UQCRC2: variants seen among roughly 807,000 people sequenced by gnomAD.
UQCRC2 encodes cytochrome b-c1 complex subunit 2, mitochondrial.
UQCRC2 carries 49 observed loss-of-function variants against 55.6 expected under a neutral mutation model. That is an observed-to-expected ratio of 0.88 (90% confidence interval 0.70 to 1.12). UQCRC2 has a LOEUF of 1.12. Ranked by LOEUF, UQCRC2 falls within the 50% of genes most tolerant of loss-of-function variation. UQCRC2 has a pLI of 0.00. For synonymous variants in UQCRC2, 193 were observed against 192.0 expected (o/e 1.01, Z -0.04); for missense variants, 506 against 547.8 (o/e 0.92, Z 0.76).
chr16:21,959,940 C>T (rs772432790), intron 4 of UQCRC2, among the ~76,000 whole-genome samples: 1 of 152,188 alleles, frequency 6.6e-6, no homozygotes, highest in Non-Finnish European at 1.5e-5. Context: ...ATGCTATAAA[C>T]AGATGTACTA....
At chr16:21,976,387 C>T (rs1898586677) in intron 12 of UQCRC2, 144 bp downstream of exon 12, 1 of 678,354 alleles carries the variant, frequency 1.5e-6, no homozygotes, top group Non-Finnish European at 2.4e-6. Flanking sequence ...CATATCCTAC[C>T]ACCTAAAGAT....
intron 13 of UQCRC2, among the ~76,000 whole-genome samples, chr16:21,982,073 C>T (rs749984242): frequency 6.6e-6 from 1 of 151,950 alleles, no homozygotes; most frequent in Non-Finnish European, 1.5e-5. Context: ...ATCTCCTGAC[C>T]TCGTGATCCA....
chr16:21,965,021 G>A (rs1461664070), intron 6 of UQCRC2, among the ~76,000 whole-genome samples: 5 of 152,138 alleles, frequency 3.3e-5, no homozygotes, highest in Non-Finnish European at 7.3e-5. Flanking sequence ...AGGAAACCTA[G>A]GAGTAAGTAA....
Position 21,968,509 on chromosome 16 carries a change from A to G in UQCRC2, c.613-119A>G, listed in dbSNP as rs151304351. Reference sequence around the variant, plus strand: ...CACCTCAGTTAGTACCTTGTAGTTCATTACAGCAACTTATAAGGCCTTATA... The same window carrying G: ...CACCTCAGTTAGTACCTTGTAGTTCGTTACAGCAACTTATAAGGCCTTATA... On this transcript the variant is annotated intron_variant, in intron 7 of 13. Transcript: ENST00000268379. 994 of 808,168 alleles carry G rather than the reference A, an allele frequency of 1.2e-3. 10 individuals carry two copies. In the African/African-American group the frequency reaches 0.016, roughly 13 times the overall value. The allele number at this position is 808,168 out of a possible 1,614,324, so 50.1% of individuals were successfully genotyped here. A position where few individuals can be genotyped will look rare whatever the true frequency, so the allele number is the denominator to read the frequency against.
At chr16:21,959,882 G>C (rs903987297) in intron 4 of UQCRC2, 1 of 152,202 alleles carries the variant, frequency 6.6e-6, no homozygotes, top group African/African-American at 2.4e-5. Flanking sequence ...GTAATAATTT[G>C]AAAGGAATCT....
At chr16:21,961,945 G>A (rs772235490) in intron 4 of UQCRC2, among the ~76,000 whole-genome samples, 3 of 151,750 alleles carry the variant, frequency 2.0e-5, no homozygotes, top group Non-Finnish European at 4.4e-5. Context: ...GAGCCACTGC[G>A]CCCGGCCCAA....
chr16:21,983,204 CG>C lies in UQCRC2; in HGVS notation c.*34del. The C allele has an allele frequency of 6.4e-7, 1 of 1,573,962 alleles. No individual in the cohort carries two copies. Among genetic ancestry groups the C allele is most frequent in the South Asian group, 1.1e-5 (1 of 89,112 alleles). ...GCACACATTACAGGAGAGAGCTGAA[CG>C]TTCTCTCAGCCCAGAGCAGCAAACA... On this transcript the variant is annotated 3_prime_UTR_variant, in exon 14 of 14. Transcript: ENST00000268379.
Position 21,965,675 on chromosome 16 carries a change from T to C in UQCRC2, c.612+170T>C, listed in dbSNP as rs1898308512. On this transcript the variant is annotated intron_variant, in intron 7 of 13. Transcript: ENST00000268379. The stretch of plus-strand genomic sequence containing the variant: ...AACTAAAATTTTATCTGAACAATTT[T>C]TGTGTCTCCTTTAAGAAATGTTTTC... The C allele has an allele frequency of 5.6e-6, 3 of 531,380 alleles. No individual in the cohort carries two copies. The South Asian group carries it at 8.1e-5, about 14-fold the overall frequency. The allele number at this position is 531,380 out of a possible 1,614,324, so 32.9% of individuals were successfully genotyped here. A position where few individuals can be genotyped will look rare whatever the true frequency, so the allele number is the denominator to read the frequency against.
At chr16:21,975,115 G>C (rs966856491) in intron 11 of UQCRC2, among the ~76,000 whole-genome samples, 8 of 152,174 alleles carry the variant, frequency 5.3e-5, no homozygotes, top group African/African-American at 1.9e-4. Context: ...GGAGGAGGTA[G>C]GTATTAGGGT....
At position 21,958,439 on chromosome 16, in the gene UQCRC2, T is replaced by C. The variant is rs1307411708; in HGVS notation, c.268-96T>C. 2.1e-5 allele frequency: 23 copies of C among 1,102,324 alleles called. No individual in the cohort carries two copies. In the Admixed American group the frequency reaches 2.1e-4, roughly 10 times the overall value. The allele number at this position is 1,102,324 out of a possible 1,614,324, so 68.3% of individuals were successfully genotyped here. A position where few individuals can be genotyped will look rare whatever the true frequency, so the allele number is the denominator to read the frequency against. ...AGGATGCAGGAATTTAGTAAAATTCTTTTTAAATCTGCTCACAACAGATTT... is the reference window on the plus strand; with the variant it reads ...AGGATGCAGGAATTTAGTAAAATTCCTTTTAAATCTGCTCACAACAGATTT... On this transcript the variant is annotated intron_variant, in intron 3 of 13. Coordinates refer to ENST00000268379, the MANE Select transcript of UQCRC2 (RefSeq NM_003366.4).
rs1898773633 is a variant in UQCRC2, at chr16:21,983,068, TTTTG to T, written c.1279-12_1279-9del. 6.2e-7 allele frequency: 1 copy of T among 1,607,884 alleles called. No individual in the cohort carries two copies. The highest frequency in any genetic ancestry group is 8.5e-7 in the Non-Finnish European group (1 of 1,178,180). ...TATTTTTATTTTTGTTAATTTTGTCTTTTGTTTGTTTCTTTAAAGGCGGCAAAGA... is the reference window on the plus strand; with the variant it reads ...TATTTTTATTTTTGTTAATTTTGTCTTTTGTTTCTTTAAAGGCGGCAAAGA... On this transcript the variant is annotated splice_polypyrimidine_tract_variant and intron_variant, in intron 13 of 13. Coordinates refer to ENST00000268379, the MANE Select transcript of UQCRC2 (RefSeq NM_003366.4).
intron 7 of UQCRC2, among the ~76,000 whole-genome samples, chr16:21,967,132 ACT>A (rs902591139): frequency 2.0e-5 from 3 of 152,166 alleles, no homozygotes; most frequent in Admixed American, 1.3e-4. Context: ...GCTAAAGGAA[ACT>A]CTAAAGAAAT....
intron 13 of UQCRC2, among the ~76,000 whole-genome samples, chr16:21,980,952 C>T (rs1187417724): frequency 6.6e-6 from 1 of 152,108 alleles, no homozygotes; most frequent in Admixed American, 6.5e-5. Context: ...AGAGGGCTGC[C>T]ATCCACTGAG....
At chr16:21,957,714 GT>G in intron 3 of UQCRC2, 148 bp downstream of exon 3, 1 of 1,192,648 alleles carries the variant, frequency 8.4e-7, no homozygotes, top group Non-Finnish European at 1.2e-6. Context: ...AACCAAATAA[GT>G]TTATCCTGTT....
intron 1 of UQCRC2, among the ~76,000 whole-genome samples, chr16:21,955,794 G>C (rs1480400875): frequency 6.6e-6 from 1 of 152,008 alleles, no homozygotes; most frequent in Non-Finnish European, 1.5e-5. Flanking sequence ...AAATATTGAG[G>C]GCTTGGAGGA....
intron 1 of UQCRC2, among the ~76,000 whole-genome samples, chr16:21,956,521 G>C (rs985504503): frequency 2.6e-5 from 4 of 152,112 alleles, no homozygotes; most frequent in African/African-American, 4.8e-5. Context: ...TCCAGCGTGG[G>C]ACACAGAGCA....
rs971165690 is a variant in UQCRC2 at position 21,983,567 on chromosome 16, G to A, written c.*396G>A. ...AGCAAGTTCAAAATTTGTCATTTTG[G>A]GTGTCAACAGCTAAATGGTCTGGTT... On this transcript the variant is annotated 3_prime_UTR_variant, in exon 14 of 14. Transcript: ENST00000268379. 1 of 239,312 alleles carries A rather than the reference G, an allele frequency of 4.2e-6. No homozygotes were observed. Among genetic ancestry groups the A allele is most frequent in the Non-Finnish European group, 7.9e-6 (1 of 126,436 alleles). 14.8% of individuals were successfully genotyped at this position (239,312 alleles called of 1,614,324 possible). A position where few individuals can be genotyped will look rare whatever the true frequency, so the allele number is the denominator to read the frequency against.
intron 8 of UQCRC2, among the ~76,000 whole-genome samples, chr16:21,969,455 C>T (rs1052348877): frequency 1.3e-5 from 2 of 152,118 alleles, no homozygotes; most frequent in Non-Finnish European, 2.9e-5. Context: ...TCGCTTGAAC[C>T]CAGGAGGCAG....
intron 3 of UQCRC2, among the ~76,000 whole-genome samples, chr16:21,957,860 A>T (rs1190759863): frequency 1.3e-5 from 2 of 152,200 alleles, no homozygotes; most frequent in Admixed American, 1.3e-4. Flanking sequence ...GCAGTTGCCC[A>T]CAACCCTTCA....
Sources: allele counts gnomAD v4.1 joint callset (sites outside exome capture counted in the v4.1 genomes callset), GRCh38; gene constraint gnomAD v4.1.1; transcripts MANE v1.5; gene names NCBI Gene and HGNC (gene_info 2026-07-23, HGNC 2026-07-21).